The following GPM6A variants were observed in gnomAD, a reference collection of about 807,000 sequenced individuals.
The protein encoded by GPM6A is neuronal membrane glycoprotein M6-a.
In GPM6A, 7 loss-of-function variants were observed where a neutral mutation model predicts 32.1. The observed-to-expected ratio is 0.22, with a 90% CI of 0.12 to 0.41. The LOEUF (loss-of-function observed/expected upper bound fraction) is 0.41. GPM6A is among the 10% of genes least tolerant of loss of function. The pLI is 1.00. For missense variants in GPM6A, 235 were observed against 347.2 expected (o/e 0.68, Z 2.57); for synonymous variants, 130 against 123.4 (o/e 1.05, Z -0.35).
At chr4:175,646,010 C>CTA (rs1473035468) in intron 4 of GPM6A, among the ~76,000 whole-genome samples, 1 of 152,152 alleles carries the variant, frequency 6.6e-6, no homozygotes, top group Non-Finnish European at 1.5e-5. Flanking sequence ...TACCCTTCCT[C>CTA]TATAGTCCAT....
chr4:175,691,605 G>C (rs913722020), intron 2 of GPM6A, among the ~76,000 whole-genome samples: 3 of 151,936 alleles, frequency 2.0e-5, no homozygotes, highest in Non-Finnish European at 4.4e-5. Context: ...ACAATGTTTA[G>C]GATATGACAC....
intron 1 of GPM6A, among the ~76,000 whole-genome samples, chr4:175,971,262 T>C (rs953201014): frequency 2.1e-4 from 30 of 143,280 alleles, no homozygotes; most frequent in Non-Finnish European, 3.7e-4. Context: ...GTTCTCTTTA[T>C]CTTCCGTGAA....
intron 1 of GPM6A, among the ~76,000 whole-genome samples, chr4:175,996,852 C>T (rs565135786): frequency 1.4e-4 from 22 of 152,176 alleles, no homozygotes; most frequent in Non-Finnish European, 2.1e-4. Context: ...CCCTCAATTT[C>T]TCCTTTCCTC....
chr4:175,887,025 A>C (rs1737482046), intron 1 of GPM6A, among the ~76,000 whole-genome samples: 1 of 152,110 alleles, frequency 6.6e-6, no homozygotes, highest in African/African-American at 2.4e-5. Flanking sequence ...ATCACAACAA[A>C]ATATTTCCAC....
At chr4:175,770,925 G>A (rs75414750) in intron 1 of GPM6A, among the ~76,000 whole-genome samples, 3,075 of 152,172 alleles carry the variant, frequency 0.02, 56 homozygotes, top group Non-Finnish European at 0.031. Flanking sequence ...CTTATTTACT[G>A]GTATTAATCT....
Position 175,637,303 on chromosome 4 carries a change from ATT to A in GPM6A, c.685-2248_685-2247del, listed in dbSNP as rs1258797646. Among the ~76,000 whole-genome samples, 10 of 36,160 alleles carry A rather than the reference ATT, an allele frequency of 2.8e-4. 1 individual carries two copies. Among genetic ancestry groups the A allele is most frequent in the East Asian group, 2.9e-3 (2 of 696 alleles). 23.7% of individuals were successfully genotyped at this position (36,160 alleles called of 152,430 possible). A position where few individuals can be genotyped will look rare whatever the true frequency, so the allele number is the denominator to read the frequency against. On this transcript the variant is annotated intron_variant, in intron 6 of 6. Coordinates refer to ENST00000393658, the MANE Select transcript of GPM6A (RefSeq NM_201591.3). Reference sequence around the variant, plus strand: ...ATATTATATAAAATATATATTATATATTATATATAATATAAAATATATATTAT... The same window carrying A: ...ATATTATATAAAATATATATTATATAATATATAATATAAAATATATATTAT...
chr4:175,992,308 C>G (rs1171548445), intron 1 of GPM6A, among the ~76,000 whole-genome samples: 1 of 151,452 alleles, frequency 6.6e-6, no homozygotes, highest in Non-Finnish European at 1.5e-5. Flanking sequence ...TTTTCTTATC[C>G]TCACTTAATA....
chr4:175,773,811 G>A (rs767448913), intron 1 of GPM6A, among the ~76,000 whole-genome samples: 11 of 152,160 alleles, frequency 7.2e-5, no homozygotes, highest in South Asian at 2.1e-4. Context: ...AGGCTTGCCC[G>A]AGCTCTCATT....
At chr4:175,708,589 G>C (rs1745346256) in intron 1 of GPM6A, among the ~76,000 whole-genome samples, 2 of 151,926 alleles carry the variant, frequency 1.3e-5, no homozygotes, top group African/African-American at 4.8e-5. Context: ...GTTTCACTAT[G>C]CTGTCCTGGC....
At chr4:175,969,391 C>T (rs1740431087) in intron 1 of GPM6A, among the ~76,000 whole-genome samples, 2 of 151,984 alleles carry the variant, frequency 1.3e-5, no homozygotes, top group South Asian at 4.1e-4. Flanking sequence ...TGATTGACCC[C>T]AAATGTAAAC....
At chr4:175,950,890 G>A (rs1325709184) in intron 1 of GPM6A, among the ~76,000 whole-genome samples, 3 of 152,106 alleles carry the variant, frequency 2.0e-5, no homozygotes. Flanking sequence ...AAAATATTTA[G>A]TTGAGTAAGA....
At chr4:175,851,695 C>G (rs1297462289) in intron 1 of GPM6A, among the ~76,000 whole-genome samples, 1 of 152,136 alleles carries the variant, frequency 6.6e-6, no homozygotes, top group Non-Finnish European at 1.5e-5. Flanking sequence ...GTTTGCTGCA[C>G]CAACAGGTGG....
At chr4:175,964,679 C>T (rs1035131110) in intron 1 of GPM6A, among the ~76,000 whole-genome samples, 2 of 152,138 alleles carry the variant, frequency 1.3e-5, no homozygotes, top group Non-Finnish European at 2.9e-5. Flanking sequence ...TAATTACATC[C>T]TTAAAGACCC....
rs564499535 is a variant in GPM6A at position 175,915,069 on chromosome 4, G to T, written c.-23+87240C>A. The stretch of plus-strand genomic sequence containing the variant: ...CTGTTATTTCTTTCCCAAAGACAGA[G>T]AAAAATACACAAAATAAAACCACAA... On this transcript the variant is annotated intron_variant, in intron 1 of 7. Transcript: ENST00000280187. Among the ~76,000 whole-genome samples the T allele has an allele frequency of 1.6e-4, 24 of 151,880 alleles. No individual in the cohort carries two copies. In the South Asian group the frequency reaches 4.8e-3, roughly 30 times the overall value.
At chr4:175,931,303 T>C (rs1739030531) in intron 1 of GPM6A, among the ~76,000 whole-genome samples, 1 of 152,186 alleles carries the variant, frequency 6.6e-6, no homozygotes, top group African/African-American at 2.4e-5. Flanking sequence ...AATTAAATCC[T>C]ACAACCTCAC....
intron 1 of GPM6A, among the ~76,000 whole-genome samples, chr4:175,776,688 T>A (rs1449313139): frequency 6.6e-6 from 1 of 152,234 alleles, no homozygotes; most frequent in Non-Finnish European, 1.5e-5. Flanking sequence ...GACGTTTTAA[T>A]GTCCCTACTA....
intron 1 of GPM6A, among the ~76,000 whole-genome samples, chr4:175,900,056 G>A (rs538134823): frequency 6.6e-6 from 1 of 151,996 alleles, no homozygotes; most frequent in Non-Finnish European, 1.5e-5. Context: ...GAGGCAGGCG[G>A]ATCACCTGAG....
intron 1 of GPM6A, among the ~76,000 whole-genome samples, chr4:175,837,770 TG>T (rs957386612): frequency 3.9e-5 from 6 of 152,190 alleles, no homozygotes; most frequent in African/African-American, 1.4e-4. Flanking sequence ...TTATTTTATT[TG>T]ACATTTATTA....
chr4:175,925,728 A>G lies in GPM6A; in HGVS notation c.-23+76581T>C, dbSNP rs568536387. 4.6e-5 allele frequency among the ~76,000 whole-genome samples: 7 copies of G among 152,244 alleles called. No individual in the cohort carries two copies. The South Asian group carries it at 1.0e-3, about 23-fold the overall frequency. ...TAGAATTCATAACTGCATCCAAACT[A>G]GTTTCTAGTTTCAATATTGTACTAA... On this transcript the variant is annotated intron_variant, in intron 1 of 7. Transcript: ENST00000280187.
Sources: allele counts gnomAD v4.1 joint callset (sites outside exome capture counted in the v4.1 genomes callset), GRCh38; gene constraint gnomAD v4.1.1; transcripts MANE v1.5; gene names NCBI Gene and HGNC (gene_info 2026-07-23, HGNC 2026-07-21).